Variants in INTS1 observed in about 807,000 individuals in gnomAD.
The protein encoded by INTS1 is integrator complex subunit 1.
A neutral mutation model predicts 241.6 loss-of-function variants in INTS1; 137 were observed. The ratio of observed to expected loss-of-function variants is 0.57; its 90% CI spans 0.49 to 0.65. The LOEUF is 0.65. INTS1 is among the 30% of genes least tolerant of loss of function. The probability of loss-of-function intolerance (pLI) is 0.00; values close to 1 mark genes in which losing one functional copy is unlikely to be tolerated. For synonymous variants in INTS1, 1,692 were observed against 1,337.8 expected, an observed-to-expected ratio of 1.26 and a Z score of -5.78; for missense variants, 3,073 against 3,032.2, an observed-to-expected ratio of 1.01 and a Z score of -0.32.
Position 1,474,148 on chromosome 7 carries a change from C to G in INTS1, c.5829+20G>C. 3.2e-6 allele frequency: 5 copies of G among 1,541,156 alleles called. No individual in the cohort carries two copies. In the South Asian group the frequency reaches 3.6e-5, roughly 11 times the overall value. ...GAGGGAGTGGAAGGGAGCGCGAGGG[C>G]GGGCGGCGGGAGCACACACCAGCAG... On this transcript the variant is annotated intron_variant, in intron 41 of 47. Coordinates refer to ENST00000404767, the MANE Select transcript of INTS1 (RefSeq NM_001080453.3).
chr7:1,500,679 T>C (rs546638456), intron 3 of INTS1, among the ~76,000 whole-genome samples: 2 of 152,302 alleles, frequency 1.3e-5, no homozygotes, highest in African/African-American at 4.8e-5. Flanking sequence ...AGCTTTACTT[T>C]CCACTGAATC....
chr7:1,471,087 C>T (rs1193106752), intron 46 of INTS1, 46 bp downstream of exon 46: 1 of 1,534,852 alleles, frequency 6.5e-7, no homozygotes, highest in Non-Finnish European at 8.8e-7. Context: ...CCTGGGTTAG[C>T]AGGGCCCAGC....
intron 3 of INTS1, among the ~76,000 whole-genome samples, chr7:1,501,993 C>A (rs7798488): frequency 0.015 from 2,312 of 152,254 alleles, 56 homozygotes; most frequent in African/African-American, 0.05. Context: ...CCCTGCCAGG[C>A]CTCCTCCCTT....
chr7:1,496,627 C>A (rs1339079324), intron 11 of INTS1, among the ~76,000 whole-genome samples: 2 of 152,126 alleles, frequency 1.3e-5, no homozygotes, highest in East Asian at 3.9e-4. Flanking sequence ...GGCACCAGGG[C>A]CGGTGGCCCA....
intron 16 of INTS1, among the ~76,000 whole-genome samples, chr7:1,492,680 G>A (rs1341749126): frequency 2.6e-5 from 4 of 152,220 alleles, no homozygotes; most frequent in Non-Finnish European, 5.9e-5. Context: ...GTATGACTGA[G>A]CTGGAGACAC....
At chr7:1,490,952 G>A (rs868215282) in intron 16 of INTS1, among the ~76,000 whole-genome samples, 9 of 152,286 alleles carry the variant, frequency 5.9e-5, no homozygotes, top group South Asian at 2.1e-4. Flanking sequence ...AAACTTGGGC[G>A]CAACAGGCCA....
intron 3 of INTS1, among the ~76,000 whole-genome samples, chr7:1,502,600 C>A (rs1297552246): frequency 6.6e-6 from 1 of 152,150 alleles, no homozygotes; most frequent in Non-Finnish European, 1.5e-5. Context: ...CCGGTTTACC[C>A]CCAGGGCTCA....
intron 44 of INTS1, among the ~76,000 whole-genome samples, chr7:1,471,967 CTGCCCACCCGCTGGTCT>C (rs1050472491): frequency 1.3e-5 from 2 of 152,226 alleles, no homozygotes; most frequent in African/African-American, 4.8e-5. Flanking sequence ...GCCACCGGTA[CTGCCCACCCGCTGGTCT>C]TGCCCACCCG....
At chr7:1,488,380 C>T (rs1055515492) in intron 18 of INTS1, among the ~76,000 whole-genome samples, 2 of 152,182 alleles carry the variant, frequency 1.3e-5, no homozygotes, top group Admixed American at 6.5e-5. Context: ...CACGTGGCTT[C>T]GGCGTGTTCC....
Position 1,476,229 on chromosome 7 carries a change from CT to C in INTS1, c.5377del (p.Ser1793AlafsTer91). ...LSGCIQQWGD[S>X]VLGRRCRDLL... ...ATCTGGGGCCGGGGGGCCTGAGCAC[CT>C]GTCTCCCCACTGCTGGATGCAGCCT... On this transcript the variant is annotated frameshift_variant and splice_region_variant, in exon 38 of 48. Transcript: ENST00000404767. LOFTEE classifies it high-confidence loss of function. The C allele has an allele frequency of 6.4e-7, 1 of 1,551,152 alleles. No individual in the cohort carries two copies. Among genetic ancestry groups the C allele is most frequent in the Non-Finnish European group, 8.7e-7 (1 of 1,148,850 alleles).
At position 1,471,657 on chromosome 7, in the gene INTS1, G is replaced by A. The variant is rs773041637; in HGVS notation, c.6185-16C>T. On this transcript the variant is annotated splice_polypyrimidine_tract_variant and intron_variant, in intron 44 of 47. Transcript: ENST00000404767. ...TCCAGCAGATCTGACACAGAGAGAG[G>A]GCCAGACCAGAACTGAAGGGCCCAG... 8.1e-6 allele frequency: 13 copies of A among 1,611,220 alleles called. No individual in the cohort carries two copies. The highest frequency in any genetic ancestry group is 2.2e-5 in the South Asian group (2 of 91,072).
rs1782743630 is a variant in INTS1 at position 1,494,388 on chromosome 7, A to G, written c.1910+428T>C. 1.2e-5 allele frequency: 3 copies of G among 252,444 alleles called. No homozygotes were observed. The South Asian group carries it at 1.6e-4, about 14-fold the overall frequency. 15.6% of individuals were successfully genotyped at this position (252,444 alleles called of 1,614,324 possible). ...GCGGGGCTGGAGGGGAGTGTAGACC[A>G]AGAACCCACGGGGTCACCCATGGGG... On this transcript the variant is annotated intron_variant, in intron 14 of 47. Coordinates refer to ENST00000404767, the MANE Select transcript of INTS1 (RefSeq NM_001080453.3).
chr7:1,498,264 G>A (rs1376057825), intron 10 of INTS1, 148 bp downstream of exon 10: 26 of 1,246,290 alleles, frequency 2.1e-5, no homozygotes, highest in South Asian at 4.3e-5. Context: ...TCATGCCCAC[G>A]TGAGTTTCAA....
In INTS1 at chr7:1,474,810, G is replaced by A. The variant is rs374496492; in HGVS notation, c.5531C>T (p.Thr1844Met). ...GGAGTCGCTGGTGTCCGCAAGGAGC[G>A]TGATGAAGCGGTGGATGAGTCCGTC... is the stretch of plus-strand genomic sequence containing the variant. ...KLDGLIHRFI[T>M]LLADTSDSRA... is the part of the protein sequence containing the mutation. The change falls in exon 40 of 48, where the codon ACG becomes ATG. Residue 1844 changes from threonine (T) to methionine (M), a missense_variant. Thr to Met is a moderately conservative substitution (Grantham distance 81). Coordinates refer to ENST00000404767, the MANE Select transcript of INTS1 (RefSeq NM_001080453.3). The A allele has an allele frequency of 2.9e-5, 46 of 1,590,802 alleles. No homozygotes were observed. Among genetic ancestry groups the A allele is most frequent in the South Asian group, 2.6e-4 (23 of 87,098 alleles).
intron 16 of INTS1, among the ~76,000 whole-genome samples, chr7:1,491,389 C>A (rs972871159): frequency 1.3e-5 from 2 of 152,188 alleles, no homozygotes; most frequent in Non-Finnish European, 2.9e-5. Context: ...TGGATGGCCA[C>A]ACACACAGGA....
At position 1,490,186 on chromosome 7, in the gene INTS1, G is replaced by C. The variant is rs371357812; in HGVS notation, c.2166-504C>G. On this transcript the variant is annotated intron_variant, in intron 16 of 47. Coordinates refer to ENST00000404767, the MANE Select transcript of INTS1 (RefSeq NM_001080453.3). Reference sequence around the variant, plus strand: ...AGAGCGGGCAGCACCTGCCGAAGGAGAGAGGCAGGAGAACCTCAACCACAG... The same window carrying C: ...AGAGCGGGCAGCACCTGCCGAAGGACAGAGGCAGGAGAACCTCAACCACAG... Among the ~76,000 whole-genome samples the C allele has an allele frequency of 1.6e-4, 24 of 152,388 alleles. 1 individual carries two copies. In the East Asian group the frequency reaches 3.3e-3, roughly 21 times the overall value.
At chr7:1,472,971 G>T in intron 43 of INTS1, 101 bp downstream of exon 43, 1 of 717,130 alleles carries the variant, frequency 1.4e-6, no homozygotes, top group Non-Finnish European at 2.2e-6. Flanking sequence ...GCCCCCATCG[G>T]GACGCCTCGG....
intron 41 of INTS1, 54 bp from the exon 42 acceptor site, chr7:1,473,747 G>C: frequency 6.2e-7 from 1 of 1,606,418 alleles, no homozygotes; most frequent in Non-Finnish European, 8.5e-7. Flanking sequence ...GGCCAAAACA[G>C]AGCCTGTGCT....
chr7:1,498,408 C>A lies in INTS1; in HGVS notation c.1425+4G>T. ...GAGGGCAAGGCCAGGGACCCTGGGC[C>A]TACCTTGGGCGCCAGCTCTGAGCTG... On this transcript the variant is annotated splice_donor_region_variant and intron_variant, in intron 10 of 47. Coordinates refer to ENST00000404767, the MANE Select transcript of INTS1 (RefSeq NM_001080453.3). The A allele has an allele frequency of 6.2e-7, 1 of 1,613,578 alleles. No individual in the cohort carries two copies. The highest frequency in any genetic ancestry group is 8.5e-7 in the Non-Finnish European group (1 of 1,179,802).
Sources: gnomAD v4.1 joint callset for allele counts (sites outside exome capture counted in the v4.1 genomes callset) on GRCh38, gnomAD v4.1.1 for gene constraint, MANE v1.5 for transcripts, NCBI Gene and HGNC (gene_info 2026-07-23, HGNC 2026-07-21) for gene names.